The following TMEM67 variants were observed in gnomAD, a reference collection of about 807,000 sequenced individuals.
The protein encoded by TMEM67 is meckelin.
TMEM67 carries 124 observed loss-of-function variants against 136.6 expected under a neutral mutation model. That is an observed-to-expected ratio of 0.91 (90% CI 0.78 to 1.05). The LOEUF (loss-of-function observed/expected upper bound fraction) is 1.05, where lower values mean the gene tolerates loss of function less well. TMEM67 is among the 50% of genes least tolerant of loss of function. TMEM67 has a pLI of 0.00. For synonymous variants in TMEM67, 364 were observed against 390.5 expected, an observed-to-expected ratio of 0.93 and a Z score of 0.80; for missense variants, 1,107 against 1,178.4, an observed-to-expected ratio of 0.94 and a Z score of 0.89.
rs190960842 is a variant in TMEM67, at chr8:93,781,149, A to G, written c.978+167A>G. Among the ~76,000 whole-genome samples, 54 of 152,364 alleles carry G rather than the reference A, an allele frequency of 3.5e-4. No individual in the cohort carries two copies. The East Asian group carries it at 6.5e-3, about 18-fold the overall frequency. ...GAACTAAATAGTATAGAGTTTAGCT[A>G]TCTTACTGAATATGTGGATACTTCT... is the stretch of plus-strand genomic sequence containing the variant. On this transcript the variant is annotated intron_variant, in intron 9 of 27. Coordinates refer to ENST00000453321, the MANE Select transcript of TMEM67 (RefSeq NM_153704.6).
intron 13 of TMEM67, among the ~76,000 whole-genome samples, chr8:93,787,431 A>G (rs1386663157): frequency 1.3e-5 from 2 of 152,166 alleles, no homozygotes; most frequent in African/African-American, 2.4e-5. Context: ...TTTGTTAAGA[A>G]TTCATCTTTC....
chr8:93,794,081 G>A (rs1814503772), intron 16 of TMEM67, among the ~76,000 whole-genome samples: 3 of 151,948 alleles, frequency 2.0e-5, no homozygotes, highest in Admixed American at 1.3e-4. Context: ...TAGTAGAGAC[G>A]GGGTTTCACC....
chr8:93,774,661 A>G (rs578158430), intron 7 of TMEM67, among the ~76,000 whole-genome samples: 2 of 152,304 alleles, frequency 1.3e-5, no homozygotes, highest in East Asian at 3.9e-4. Flanking sequence ...TTCCAGCTTC[A>G]TCCATGTCCC....
chr8:93,782,401 CCAGACA>C lies in TMEM67; in HGVS notation c.1077_1082del (p.Asp359_Thr360del). On this transcript the variant is annotated inframe_deletion, in exon 11 of 28. Transcript: ENST00000453321. ...TTGTATTATTTTGCTGCAGCTTTGT[CCAGACA>C]CAGAGACAAGGCTAAATGCTGCTTA... The C allele has an allele frequency of 6.2e-7, 1 of 1,612,342 alleles. No individual in the cohort carries two copies. Among genetic ancestry groups the C allele is most frequent in the South Asian group, 1.1e-5 (1 of 90,982 alleles).
chr8:93,759,970 T>C, intron 3 of TMEM67: 1 of 1,534,606 alleles, frequency 6.5e-7, no homozygotes, highest in East Asian at 2.5e-5. Context: ...TTAGAAGGAA[T>C]GTACAACATA....
chr8:93,777,588 T>G (rs560978469), intron 7 of TMEM67, among the ~76,000 whole-genome samples: 3 of 152,218 alleles, frequency 2.0e-5, no homozygotes, highest in Non-Finnish European at 4.4e-5. Context: ...ACATCTTTAT[T>G]TCTGCCTTCA....
chr8:93,769,703 G>A (rs1813248832), intron 6 of TMEM67: 1 of 166,662 alleles, frequency 6.0e-6, no homozygotes. Context: ...CCATGTACTT[G>A]TAAGTCAGTC....
At chr8:93,777,881 G>C (rs1353468461) in intron 7 of TMEM67, among the ~76,000 whole-genome samples, 1 of 152,198 alleles carries the variant, frequency 6.6e-6, no homozygotes, top group Non-Finnish European at 1.5e-5. Context: ...ATTTGGTGCA[G>C]AGCTGAGTTC....
chr8:93,790,188 T>C (rs1470337636), intron 14 of TMEM67, among the ~76,000 whole-genome samples: 1 of 152,196 alleles, frequency 6.6e-6, no homozygotes, highest in African/African-American at 2.4e-5. Context: ...TGTTGCAAAA[T>C]TTTACATCAG....
At chr8:93,792,961 A>G (rs1454178131) in intron 15 of TMEM67, among the ~76,000 whole-genome samples, 3 of 151,116 alleles carry the variant, frequency 2.0e-5, no homozygotes, top group Admixed American at 6.6e-5. Flanking sequence ...TTTAGTAGAG[A>G]CGGGTTTCAC....
At position 93,804,852 on chromosome 8, in the gene TMEM67, A is replaced by G; in HGVS notation, c.2413A>G (p.Met805Val). The change falls in exon 23 of 28, where the codon ATG becomes GTG. Residue 805 changes from methionine to valine, a missense_variant. Physicochemically the swap from Met to Val is conservative, Grantham distance 21. This residue lies in a region of TMEM67 where 925 missense variants were observed against 1,002.4 expected (regional missense o/e 0.92). Coordinates refer to ENST00000453321, the MANE Select transcript of TMEM67 (RefSeq NM_153704.6). Reference sequence around the variant, plus strand: ...GCATGCAGATACTAATATGGAAGAAATGAATATGAACCTTAAAAGAGAAGC... The same window carrying G: ...GCATGCAGATACTAATATGGAAGAAGTGAATATGAACCTTAAAAGAGAAGC... The part of the protein sequence containing the change: ...HGHADTNMEE[M>V]NMNLKREAEN... 2 of 1,592,576 alleles carry G rather than the reference A, an allele frequency of 1.3e-6. No homozygotes were observed. Among genetic ancestry groups the G allele is most frequent in the Non-Finnish European group, 1.7e-6 (2 of 1,160,596 alleles).
chr8:93,798,449 A>G (rs1420535276), intron 20 of TMEM67, among the ~76,000 whole-genome samples: 1 of 152,204 alleles, frequency 6.6e-6, no homozygotes, highest in Admixed American at 6.5e-5. Context: ...CTGTGCTAAG[A>G]GCTGGGGCTA....
chr8:93,755,203 G>T (rs979994320), intron 1 of TMEM67, 66 bp downstream of exon 1: 24 of 1,404,798 alleles, frequency 1.7e-5, no homozygotes, highest in Admixed American at 1.5e-4. Context: ...CCTAGTCCCC[G>T]TAAATGGAGT....
At chr8:93,780,504 C>G in intron 7 of TMEM67, 89 bp from the exon 8 acceptor site, 3 of 1,487,446 alleles carry the variant, frequency 2.0e-6, no homozygotes, top group South Asian at 1.1e-5. Context: ...CATCTTGGAA[C>G]AGACCTGCAC....
intron 23 of TMEM67, among the ~76,000 whole-genome samples, chr8:93,805,868 T>C (rs757113936): frequency 6.6e-5 from 10 of 152,150 alleles, no homozygotes; most frequent in Non-Finnish European, 1.3e-4. Context: ...TAATGAGGGA[T>C]CAGGTTGACG....
In TMEM67 at chr8:93,763,872, C is replaced by T. The variant is rs757775868; in HGVS notation, c.437C>T (p.Ser146Phe). ...AGAGACATTAATGGAACATTGTTGT[C>T]TCAAGCAACTTGTGAGCTCTGTGAT... ...VERDINGTLL[S>F]QATCELCDGN... is the part of the protein sequence containing the mutation. Residue 146 changes from serine to phenylalanine, a missense_variant, in exon 4 of 28, where the codon TCT becomes TTT. By Grantham distance (155) the Ser-to-Phe change is radical (BLOSUM62 -2). Coordinates refer to ENST00000453321, the MANE Select transcript of TMEM67 (RefSeq NM_153704.6). 6.2e-7 allele frequency: 1 copy of T among 1,613,672 alleles called. No individual in the cohort carries two copies. Among genetic ancestry groups the T allele is most frequent in the South Asian group, 1.1e-5 (1 of 91,042 alleles).
At chr8:93,831,583 A>T in the TMEM67 span, among the ~76,000 whole-genome samples, 3 of 152,194 alleles carry the variant, frequency 2.0e-5, no homozygotes, top group Non-Finnish European at 2.9e-5. Flanking sequence ...GTGAGTATCT[A>T]GTCCCCAACC....
chr8:93,781,188 A>T (rs1396750027), intron 9 of TMEM67, among the ~76,000 whole-genome samples: 2 of 152,252 alleles, frequency 1.3e-5, no homozygotes, highest in Non-Finnish European at 2.9e-5. Flanking sequence ...TTGTGTGGTT[A>T]TGGCAAGAAG....
intron 18 of TMEM67, 45 bp downstream of exon 18, chr8:93,796,032 T>C: frequency 8.2e-7 from 1 of 1,219,002 alleles, no homozygotes; most frequent in Non-Finnish European, 1.2e-6. Context: ...GGCCTGCTAA[T>C]GAACTAACAA....
Sources: allele counts gnomAD v4.1 joint callset (sites outside exome capture counted in the v4.1 genomes callset), GRCh38; gene constraint gnomAD v4.1.1; regional missense constraint gnomAD v4.1.1; transcripts MANE v1.5; gene names NCBI Gene and HGNC (gene_info 2026-07-23, HGNC 2026-07-21).